The following JMJD1C variants were observed in gnomAD, a reference collection of about 807,000 sequenced individuals.
The protein encoded by JMJD1C is jumonji domain-containing protein 1C.
A neutral mutation model predicts 245.3 loss-of-function variants in JMJD1C; 31 were observed. The observed-to-expected ratio is 0.13, with a 90% CI of 0.09 to 0.17. The LOEUF (loss-of-function observed/expected upper bound fraction) is 0.17. Among genes scored for constraint, JMJD1C ranks in the 10% least tolerant of loss-of-function variants. The pLI, the probability that JMJD1C is intolerant of heterozygous loss-of-function variation, is 1.00. For missense variants in JMJD1C, 2,691 were observed against 3,000.2 expected (o/e 0.90, Z 2.41); for synonymous variants, 1,057 against 1,017.4 (o/e 1.04, Z -0.74).
chr10:63,361,266 T>C (rs1945300227), intron 2 of JMJD1C, among the ~76,000 whole-genome samples: 2 of 151,970 alleles, frequency 1.3e-5, no homozygotes, highest in Non-Finnish European at 2.9e-5. Context: ...CTACTAAAAA[T>C]ACAAAAATTA....
intron 2 of JMJD1C, among the ~76,000 whole-genome samples, chr10:63,291,333 A>AC (rs1554875310): frequency 0.021 from 1,933 of 92,090 alleles, 32 homozygotes; most frequent in Non-Finnish European, 0.037. Context: ...AAAAAAAAAA[A>AC]GGGCTGGGCG....
At chr10:63,290,720 TACAC>T in intron 2 of JMJD1C, among the ~76,000 whole-genome samples, 1 of 152,254 alleles carries the variant, frequency 6.6e-6, no homozygotes, top group South Asian at 2.1e-4. Context: ...GAGATTAAAA[TACAC>T]ACTGTAGCAA....
At chr10:63,431,965 T>C (rs956053330) in intron 1 of JMJD1C, among the ~76,000 whole-genome samples, 1 of 152,122 alleles carries the variant, frequency 6.6e-6, no homozygotes, top group Admixed American at 6.5e-5. Flanking sequence ...TGAGCCAAGA[T>C]GGCGTCACTG....
intron 1 of JMJD1C, among the ~76,000 whole-genome samples, chr10:63,435,801 A>G (rs1256599133): frequency 6.6e-6 from 1 of 152,214 alleles, no homozygotes; most frequent in Non-Finnish European, 1.5e-5. Flanking sequence ...CAGGAGGCTG[A>G]GATATGAGAA....
chr10:63,386,602 T>G (rs1947613349), intron 1 of JMJD1C, among the ~76,000 whole-genome samples: 2 of 152,066 alleles, frequency 1.3e-5, no homozygotes, highest in South Asian at 4.2e-4. Flanking sequence ...GGGGCCAGGG[T>G]CCATTCAACT....
intron 24 of JMJD1C, 25 bp from the exon 25 acceptor site, chr10:63,168,591 A>C: frequency 1.3e-6 from 2 of 1,548,790 alleles, no homozygotes; most frequent in Non-Finnish European, 1.7e-6. Flanking sequence ...AAAACCGTGA[A>C]ATACAAGTTT....
At chr10:63,502,886 A>G (rs957864516) in intron 1 of JMJD1C, among the ~76,000 whole-genome samples, 6 of 152,236 alleles carry the variant, frequency 3.9e-5, no homozygotes, top group African/African-American at 1.4e-4. Context: ...CATGAGCTGC[A>G]CAGCTGTAGA....
intron 5 of JMJD1C, among the ~76,000 whole-genome samples, chr10:63,216,663 T>C (rs534987908): frequency 1.1e-4 from 16 of 152,078 alleles, no homozygotes; most frequent in Non-Finnish European, 1.9e-4. Context: ...TGAGCCGAGA[T>C]CATGCCACTG....
chr10:63,434,917 T>C (rs1416915660), intron 1 of JMJD1C, among the ~76,000 whole-genome samples: 2 of 152,276 alleles, frequency 1.3e-5, no homozygotes, highest in African/African-American at 4.8e-5. Context: ...AGATTTGTAA[T>C]GGACAAAAAA....
At chr10:63,259,266 TACA>T (rs1296678845) in intron 3 of JMJD1C, among the ~76,000 whole-genome samples, 8 of 152,192 alleles carry the variant, frequency 5.3e-5, no homozygotes, top group Non-Finnish European at 1.0e-4. Context: ...TTCAACAAAT[TACA>T]ACATTTGTCT....
intron 2 of JMJD1C, among the ~76,000 whole-genome samples, chr10:63,356,483 T>C (rs751691058): frequency 4.6e-5 from 7 of 152,230 alleles, no homozygotes; most frequent in Non-Finnish European, 1.0e-4. Flanking sequence ...TTGAAATCCC[T>C]AGTGGACCGG....
At position 63,189,256 on chromosome 10, in the gene JMJD1C, C is replaced by A; in HGVS notation, c.6482G>T (p.Trp2161Leu). The change falls in exon 18 of 26, where the codon TGG becomes TTG. Residue 2161 changes from tryptophan to leucine, a missense_variant. Physicochemically the swap from Trp to Leu is moderately conservative, Grantham distance 61. Around this residue, in one of 9 missense-constraint regions of JMJD1C, gnomAD observed 275 missense variants for 285.5 expected, o/e 0.96. Transcript: ENST00000399262. ...CCATAAAATATGCTTCTCACAGATC[C>A]AAGAATGTGGTATATCACTGTATAA... ...NKLYSDIPHS[W>L]ICEKHILWLK... 6.2e-7 allele frequency: 1 copy of A among 1,612,996 alleles called. No individual in the cohort carries two copies. The highest frequency in any genetic ancestry group is 8.5e-7 in the Non-Finnish European group (1 of 1,179,202).
chr10:63,365,111 C>A (rs548614196), intron 2 of JMJD1C, among the ~76,000 whole-genome samples: 2 of 152,326 alleles, frequency 1.3e-5, no homozygotes, highest in East Asian at 3.9e-4. Flanking sequence ...TTTTCTCATA[C>A]AACGCCTTCC....
chr10:63,499,413 C>T (rs1954470191), intron 1 of JMJD1C, among the ~76,000 whole-genome samples: 1 of 152,208 alleles, frequency 6.6e-6, no homozygotes, highest in South Asian at 2.1e-4. Flanking sequence ...AGCTGTTAGT[C>T]TGGCTTTGCC....
At chr10:63,178,514 ATACT>A (rs1476874684) in intron 22 of JMJD1C, among the ~76,000 whole-genome samples, 6 of 152,196 alleles carry the variant, frequency 3.9e-5, no homozygotes, top group Admixed American at 3.9e-4. Context: ...GTTGGCCCCT[ATACT>A]TACTTAAGAA....
intron 1 of JMJD1C, among the ~76,000 whole-genome samples, chr10:63,448,808 A>G (rs1232774841): frequency 6.6e-6 from 1 of 152,148 alleles, no homozygotes; most frequent in Non-Finnish European, 1.5e-5. Flanking sequence ...CAGCATTTTG[A>G]AAAAGTAGTG....
At position 63,207,319 on chromosome 10, in the gene JMJD1C, G is replaced by A. The variant is rs771184488; in HGVS notation, c.4350C>T (p.Val1450=). ...QPVAQKQECK[V]STTAPVTLAS... ...CTAATGTAACTGGTGCTGTGGTGCT[G>A]ACCTTGCATTCTTGTTTTTGAGCCA... The change falls in exon 10 of 26, where the codon GTC becomes GTT. Residue 1450 remains valine, a synonymous_variant. Coordinates refer to ENST00000399262, the MANE Select transcript of JMJD1C (RefSeq NM_032776.3). 5 of 1,613,492 alleles carry A rather than the reference G, an allele frequency of 3.1e-6. No individual in the cohort carries two copies. In the Admixed American group the frequency reaches 8.3e-5, roughly 27 times the overall value.
intron 1 of JMJD1C, among the ~76,000 whole-genome samples, chr10:63,505,211 G>A (rs1292110710): frequency 6.6e-6 from 1 of 151,808 alleles, no homozygotes; most frequent in Non-Finnish European, 1.5e-5. Flanking sequence ...CAGCTACTAA[G>A]GAGGCTGAGG....
At chr10:63,312,246 T>G (rs1408412870) in intron 2 of JMJD1C, among the ~76,000 whole-genome samples, 3 of 152,082 alleles carry the variant, frequency 2.0e-5, no homozygotes, top group African/African-American at 7.2e-5. Flanking sequence ...TAGCTGGGAT[T>G]ACAGGCATGC....
Sources: gnomAD v4.1 joint callset for allele counts (sites outside exome capture counted in the v4.1 genomes callset) on GRCh38, gnomAD v4.1.1 for gene constraint, gnomAD v4.1.1 regional missense constraint, MANE v1.5 for transcripts, NCBI Gene and HGNC (gene_info 2026-07-23, HGNC 2026-07-21) for gene names.